Variants in ARMC2 observed in about 807,000 individuals in gnomAD.
The protein encoded by ARMC2 is armadillo repeat-containing protein 2.
In ARMC2, 67 loss-of-function variants were observed where a neutral mutation model predicts 90.3. The ratio of observed to expected loss-of-function variants is 0.74; its 90% CI spans 0.61 to 0.91. The LOEUF (loss-of-function observed/expected upper bound fraction) is 0.91. Ranked by LOEUF, ARMC2 falls within the 40% of genes least tolerant of loss-of-function variation. ARMC2 has a pLI of 0.00. For synonymous variants in ARMC2, 393 were observed against 393.0 expected, an observed-to-expected ratio of 1.00 and a Z score of 0.00; for missense variants, 920 against 1,030.9, an observed-to-expected ratio of 0.89 and a Z score of 1.47.
chr6:108,990,072 T>G, the ARMC2 span, among the ~76,000 whole-genome samples: 3 of 152,188 alleles, frequency 2.0e-5, no homozygotes, highest in Non-Finnish European at 2.9e-5. Flanking sequence ...ACAGCAAAAA[T>G]AGTTAACTAG....
the ARMC2 span, among the ~76,000 whole-genome samples, chr6:109,017,015 T>C: frequency 1.3e-5 from 2 of 152,020 alleles, no homozygotes; most frequent in African/African-American, 4.8e-5. Context: ...AATAATGCTA[T>C]TATTTTATAT....
chr6:108,949,640 C>T (rs1189661678), intron 12 of ARMC2, among the ~76,000 whole-genome samples: 1 of 152,218 alleles, frequency 6.6e-6, no homozygotes, highest in Non-Finnish European at 1.5e-5. Flanking sequence ...TTTTCTGCTA[C>T]TCTGTTGGGT....
At chr6:108,988,498 A>T in the ARMC2 span, 1 of 1,542,762 alleles carries the variant, frequency 6.5e-7, no homozygotes, top group Non-Finnish European at 8.8e-7. Context: ...GAGACTACGA[A>T]TCATTGCTAA....
At chr6:108,905,243 A>G (rs1772559802) in intron 8 of ARMC2, among the ~76,000 whole-genome samples, 1 of 152,236 alleles carries the variant, frequency 6.6e-6, no homozygotes, top group Admixed American at 6.5e-5. Context: ...CTGTTAGTTA[A>G]TAAGAATGCC....
At chr6:109,040,533 A>T in the ARMC2 span, among the ~76,000 whole-genome samples, 1 of 152,108 alleles carries the variant, frequency 6.6e-6, no homozygotes, top group Non-Finnish European at 1.5e-5. Context: ...AACGCCAGCA[A>T]ATTACATCAG....
chr6:109,046,547 G>C, the ARMC2 span, among the ~76,000 whole-genome samples: 1 of 143,786 alleles, frequency 7.0e-6, no homozygotes, highest in African/African-American at 2.6e-5. Context: ...GCCACCCATC[G>C]TCTGGGATGT....
chr6:108,876,007 T>C, intron 4 of ARMC2, 136 bp from the exon 5 acceptor site: 2 of 803,656 alleles, frequency 2.5e-6, no homozygotes, highest in South Asian at 3.5e-5. Context: ...GCTTTGGCCA[T>C]AAAATTCCAG....
intron 7 of ARMC2, 130 bp from the exon 8 acceptor site, chr6:108,904,100 A>T (rs1275198277): frequency 9.2e-7 from 1 of 1,086,722 alleles, no homozygotes; most frequent in Non-Finnish European, 1.3e-6. Flanking sequence ...TAAGAAAAAA[A>T]TAGAGGTCAG....
At chr6:108,858,954 G>A (rs373047567) in intron 3 of ARMC2, among the ~76,000 whole-genome samples, 2 of 152,018 alleles carry the variant, frequency 1.3e-5, no homozygotes, top group East Asian at 1.9e-4. Flanking sequence ...ATCACAATGC[G>A]TTCACCTTTT....
intron 5 of ARMC2, among the ~76,000 whole-genome samples, chr6:108,880,818 C>T (rs566780830): frequency 6.9e-6 from 1 of 145,046 alleles, no homozygotes; most frequent in South Asian, 2.3e-4. Flanking sequence ...TCCTGTGTTC[C>T]CTTTTCTCTT....
At chr6:108,904,451 G>A in intron 8 of ARMC2, 46 bp downstream of exon 8, 1 of 1,483,502 alleles carries the variant, frequency 6.7e-7, no homozygotes. Context: ...TCACATAAAA[G>A]CTTTGTTTAA....
Position 108,917,911 on chromosome 6 carries a change from C to T in ARMC2, c.1350+5353C>T, listed in dbSNP as rs189688155. Among the ~76,000 whole-genome samples the T allele has an allele frequency of 6.9e-3, 1,055 of 152,218 alleles. 18 individuals carry two copies. The highest frequency in any genetic ancestry group is 0.025 in the African/African-American group (1,022 of 41,522). On this transcript the variant is annotated intron_variant, in intron 10 of 17. Coordinates refer to ENST00000392644, the MANE Select transcript of ARMC2 (RefSeq NM_032131.6). ...GGCCAGGCTGGTCTCGAACTCCTGA[C>T]CTCAAGTGATCCACCCACCTCAGCC...
chr6:108,941,467 A>G (rs142759625), intron 12 of ARMC2, among the ~76,000 whole-genome samples: 39 of 152,340 alleles, frequency 2.6e-4, no homozygotes, highest in Non-Finnish European at 5.3e-4. Context: ...GTCCTGACAA[A>G]GGCATGCCAG....
chr6:108,851,456 A>C (rs1722428848), intron 1 of ARMC2, among the ~76,000 whole-genome samples: 1 of 152,160 alleles, frequency 6.6e-6, no homozygotes, highest in Non-Finnish European at 1.5e-5. Flanking sequence ...AGCAGGGTAA[A>C]TACTCACTGG....
chr6:108,931,347 A>C (rs1317807373), intron 11 of ARMC2, among the ~76,000 whole-genome samples: 1 of 151,788 alleles, frequency 6.6e-6, no homozygotes, highest in African/African-American at 2.4e-5. Flanking sequence ...GGTTGATTCC[A>C]TGTCTTTGCT....
At chr6:108,981,620 G>T in the ARMC2 span, among the ~76,000 whole-genome samples, 1 of 151,688 alleles carries the variant, frequency 6.6e-6, no homozygotes, top group Non-Finnish European at 1.5e-5. Context: ...ATACTATCAA[G>T]GTTCATCCAT....
intron 4 of ARMC2, among the ~76,000 whole-genome samples, chr6:108,872,504 C>T (rs1776522415): frequency 6.6e-6 from 1 of 152,190 alleles, no homozygotes; most frequent in Admixed American, 6.5e-5. Flanking sequence ...TTTTGCTGCT[C>T]TTAAACCACC....
chr6:108,891,381 A>G (rs939765638), intron 5 of ARMC2, among the ~76,000 whole-genome samples: 2 of 152,216 alleles, frequency 1.3e-5, no homozygotes, highest in African/African-American at 4.8e-5. Context: ...GTGTAAAAGC[A>G]TTCCTATTTC....
rs1372266468 is a variant in ARMC2 at position 108,890,338 on chromosome 6, A to T, written c.672-4129A>T. ...CTCTGGACTGCTTAGACAAGTGATT[A>T]CTGACTCATAAGGAAAGAGAAAATT... On this transcript the variant is annotated intron_variant, in intron 5 of 17. Coordinates refer to ENST00000392644, the MANE Select transcript of ARMC2 (RefSeq NM_032131.6). 1.3e-5 allele frequency among the ~76,000 whole-genome samples: 2 copies of T among 150,660 alleles called. 1 individual carries two copies. The highest frequency in any genetic ancestry group is 2.9e-5 in the Non-Finnish European group (2 of 68,024).
Sources: allele counts gnomAD v4.1 joint callset (sites outside exome capture counted in the v4.1 genomes callset), GRCh38; gene constraint gnomAD v4.1.1; transcripts MANE v1.5; gene names NCBI Gene and HGNC (gene_info 2026-07-23, HGNC 2026-07-21).